SLC2A9: variants seen among roughly 807,000 people sequenced by gnomAD.
SLC2A9 encodes solute carrier family 2, facilitated glucose transporter member 9.
A neutral mutation model predicts 50.6 loss-of-function variants in SLC2A9; 39 were observed. That is an observed-to-expected ratio of 0.77 (90% confidence interval 0.60 to 1.01). The LOEUF (loss-of-function observed/expected upper bound fraction) is 1.01, where lower values mean the gene tolerates loss of function less well. Ranked by LOEUF, SLC2A9 falls within the 50% of genes least tolerant of loss-of-function variation. The pLI is 0.00. For synonymous variants in SLC2A9, 324 were observed against 276.9 expected (o/e 1.17, Z -1.69); for missense variants, 686 against 677.6 (o/e 1.01, Z -0.14).
intron 4 of SLC2A9, among the ~76,000 whole-genome samples, chr4:9,983,170 T>C (rs1370869837): frequency 2.0e-5 from 3 of 152,154 alleles, no homozygotes; most frequent in Admixed American, 6.5e-5. Flanking sequence ...GCCCGGCCCA[T>C]TTAATTTTCA....
intron 3 of SLC2A9, among the ~76,000 whole-genome samples, chr4:9,989,483 G>A (rs1390869992): frequency 6.6e-6 from 1 of 151,898 alleles, no homozygotes; most frequent in African/African-American, 2.4e-5. Context: ...TGAGAACACA[G>A]AGGCAATCCC....
intron 3 of SLC2A9, among the ~76,000 whole-genome samples, chr4:9,816,491 T>G (rs917608345): frequency 3.3e-5 from 5 of 152,160 alleles, no homozygotes; most frequent in Non-Finnish European, 7.3e-5. Flanking sequence ...TTTCAGGTAC[T>G]GTATACCTGA....
At chr4:9,775,147 A>G (rs749874989), downstream of SLC2A9, among the ~76,000 whole-genome samples, 4 of 152,200 alleles carry the variant, frequency 2.6e-5, no homozygotes, top group Non-Finnish European at 5.9e-5. Flanking sequence ...GCTGGCTCAC[A>G]TGGCCAGCCA....
At chr4:9,896,426 A>G (rs186912629) in intron 8 of SLC2A9, among the ~76,000 whole-genome samples, 3 of 152,136 alleles carry the variant, frequency 2.0e-5, no homozygotes. Flanking sequence ...ATGTGTTCAT[A>G]TATTTTGCTC....
chr4:9,942,093 T>G, intron 5 of SLC2A9, 48 bp from the exon 6 acceptor site: 1 of 1,612,132 alleles, frequency 6.2e-7, no homozygotes, highest in Non-Finnish European at 8.5e-7. Context: ...TTGGTCATTG[T>G]TGAGGGGACT....
intron 3 of SLC2A9, among the ~76,000 whole-genome samples, chr4:9,995,489 G>A (rs1052749844): frequency 6.6e-6 from 1 of 152,124 alleles, no homozygotes; most frequent in African/African-American, 2.4e-5. Context: ...TAAAGGATTC[G>A]GTCATTTCAG....
intron 10 of SLC2A9, among the ~76,000 whole-genome samples, chr4:9,871,157 G>A (rs1733364910): frequency 2.0e-5 from 3 of 152,254 alleles, no homozygotes. Flanking sequence ...AACCTTGGCA[G>A]GCAGCTTGCC....
chr4:10,011,992 G>A (rs1761840774), intron 2 of SLC2A9, among the ~76,000 whole-genome samples: 1 of 152,174 alleles, frequency 6.6e-6, no homozygotes, highest in African/African-American at 2.4e-5. Flanking sequence ...GGAAACCCTA[G>A]ACCACCATCT....
chr4:9,970,237 C>T (rs1283108426), intron 5 of SLC2A9, among the ~76,000 whole-genome samples: 3 of 152,172 alleles, frequency 2.0e-5, no homozygotes, highest in South Asian at 2.1e-4. Context: ...ACATGCTTTG[C>T]GTGCACTCCT....
chr4:9,982,510 T>C (rs948678199), intron 4 of SLC2A9, among the ~76,000 whole-genome samples: 4 of 152,246 alleles, frequency 2.6e-5, no homozygotes, highest in African/African-American at 9.6e-5. Flanking sequence ...GAATGCAGCT[T>C]ATTTTTAGTT....
intron 1 of SLC2A9, among the ~76,000 whole-genome samples, chr4:10,027,545 C>A (rs1763795437): frequency 6.6e-6 from 1 of 152,140 alleles, no homozygotes; most frequent in East Asian, 1.9e-4. Context: ...CAATTTCCTA[C>A]AACCTCCCGG....
intron 10 of SLC2A9, among the ~76,000 whole-genome samples, chr4:9,836,678 A>T (rs1285994767): frequency 2.0e-5 from 3 of 152,206 alleles, no homozygotes; most frequent in African/African-American, 7.2e-5. Context: ...AGTTGAAGAA[A>T]ACCACTTTGG....
chr4:9,774,390 C>T (rs997781812), intron 1 of SLC2A9, among the ~76,000 whole-genome samples: 1 of 152,210 alleles, frequency 6.6e-6, no homozygotes, highest in Non-Finnish European at 1.5e-5. Context: ...GCCTCTGAGC[C>T]TTTGCCCGTG....
chr4:9,950,585 T>A (rs1361524651), intron 5 of SLC2A9, among the ~76,000 whole-genome samples: 2 of 89,118 alleles, frequency 2.2e-5, no homozygotes, highest in Non-Finnish European at 4.4e-5. Context: ...TGGCTATTAT[T>A]AAATGACAGA....
At chr4:9,931,954 C>CAA (rs1265029033) in intron 6 of SLC2A9, among the ~76,000 whole-genome samples, 1 of 50,582 alleles carries the variant, frequency 2.0e-5, no homozygotes, top group African/African-American at 1.0e-4. Flanking sequence ...CTCTCTCTCT[C>CAA]TCTCTCTCTA....
chr4:9,967,154 A>G (rs1431778701), intron 5 of SLC2A9, among the ~76,000 whole-genome samples: 1 of 152,242 alleles, frequency 6.6e-6, no homozygotes, highest in Non-Finnish European at 1.5e-5. Flanking sequence ...TTTGAATACA[A>G]TTGAGATTGT....
chr4:9,907,070 A>G (rs1740820895), intron 8 of SLC2A9, among the ~76,000 whole-genome samples: 1 of 152,258 alleles, frequency 6.6e-6, no homozygotes, highest in Non-Finnish European at 1.5e-5. Context: ...GCCTGTTTGC[A>G]TGGGCATCAA....
At chr4:9,972,425 T>C (rs77056756) in intron 5 of SLC2A9, among the ~76,000 whole-genome samples, 2,249 of 152,344 alleles carry the variant, frequency 0.015, 67 homozygotes, top group African/African-American at 0.05. Flanking sequence ...GCCATGACAA[T>C]TGTTTTATGA....
At chr4:9,999,448 G>T (rs1438459103) in intron 2 of SLC2A9, among the ~76,000 whole-genome samples, 1 of 152,048 alleles carries the variant, frequency 6.6e-6, no homozygotes, top group African/African-American at 2.4e-5. Flanking sequence ...ATACTCTTTT[G>T]TATGCATAAT....
Sources: gnomAD v4.1 joint callset for allele counts (sites outside exome capture counted in the v4.1 genomes callset) on GRCh38, gnomAD v4.1.1 for gene constraint, MANE v1.5 for transcripts, NCBI Gene and HGNC (gene_info 2026-07-23, HGNC 2026-07-21) for gene names.